DOCK10: variants seen among roughly 807,000 people sequenced by gnomAD.
DOCK10 encodes dedicator of cytokinesis 10.
A neutral mutation model predicts 280.1 loss-of-function variants in DOCK10; 145 were observed. The observed-to-expected ratio is 0.52, with a 90% confidence interval of 0.45 to 0.59. The LOEUF is 0.59. Ranked by LOEUF, DOCK10 falls within the 20% of genes least tolerant of loss-of-function variation. DOCK10 has a pLI of 0.00. For missense variants in DOCK10, 2,368 were observed against 2,651.7 expected (o/e 0.89, Z 2.35); for synonymous variants, 915 against 942.2 (o/e 0.97, Z 0.53).
chr2:224,900,319 T>C (rs1345877726), intron 3 of DOCK10, among the ~76,000 whole-genome samples: 2 of 152,048 alleles, frequency 1.3e-5, no homozygotes, highest in Non-Finnish European at 2.9e-5. Flanking sequence ...AAGCTATAAA[T>C]GTTTGTCAGA....
At chr2:225,018,770 C>T (rs1003517601) in intron 1 of DOCK10, among the ~76,000 whole-genome samples, 3 of 144,184 alleles carry the variant, frequency 2.1e-5, no homozygotes, top group Non-Finnish European at 3.0e-5. Context: ...TGTATATGTA[C>T]ATATATACAC....
chr2:224,785,165 A>C (rs1315978915), intron 50 of DOCK10, among the ~76,000 whole-genome samples: 1 of 152,130 alleles, frequency 6.6e-6, no homozygotes, highest in Non-Finnish European at 1.5e-5. Flanking sequence ...AAATGGCTCC[A>C]AAATGCCATT....
intron 3 of DOCK10, among the ~76,000 whole-genome samples, chr2:224,913,718 G>GTTTATTTATTTA (rs113890271): frequency 1.3e-3 from 192 of 150,450 alleles, no homozygotes; most frequent in African/African-American, 4.4e-3. Context: ...TTGTTTGTCT[G>GTTTATTTATTTA]TTTATTTATT....
intron 1 of DOCK10, among the ~76,000 whole-genome samples, chr2:224,933,676 A>T (rs1702522668): frequency 6.6e-6 from 1 of 152,200 alleles, no homozygotes; most frequent in Non-Finnish European, 1.5e-5. Context: ...CTTCAGCTTA[A>T]GTATATGATG....
At chr2:224,958,455 G>A (rs1404430631) in intron 1 of DOCK10, among the ~76,000 whole-genome samples, 1 of 152,136 alleles carries the variant, frequency 6.6e-6, no homozygotes, top group African/African-American at 2.4e-5. Context: ...AGGATAATTA[G>A]GTTAAACAGC....
At chr2:224,797,259 T>C in intron 42 of DOCK10, 113 bp from the exon 43 acceptor site, 1 of 802,796 alleles carries the variant, frequency 1.2e-6, no homozygotes, top group Non-Finnish European at 1.8e-6. Context: ...TTTTTTAACT[T>C]GGTCTATTTT....
At chr2:224,931,395 G>A (rs17271574) in intron 2 of DOCK10, among the ~76,000 whole-genome samples, 154 bp downstream of exon 2, 50,190 of 151,990 alleles carry the variant, frequency 0.33, 8,395 homozygotes, top group Middle Eastern at 0.36. Flanking sequence ...GGGCCCTGGG[G>A]TACTTTCTAT....
At chr2:224,794,468 G>A (rs1388172980) in intron 45 of DOCK10, among the ~76,000 whole-genome samples, 1 of 152,174 alleles carries the variant, frequency 6.6e-6, no homozygotes, top group African/African-American at 2.4e-5. Flanking sequence ...TGTAAATGAG[G>A]ACTGATTCCC....
At chr2:225,012,778 A>C (rs1354673386) in intron 1 of DOCK10, among the ~76,000 whole-genome samples, 1 of 152,202 alleles carries the variant, frequency 6.6e-6, no homozygotes, top group East Asian at 1.9e-4. Context: ...CTTTACAAAA[A>C]CTATAAAATA....
chr2:224,976,773 A>G (rs190858931), intron 1 of DOCK10, among the ~76,000 whole-genome samples: 1 of 151,864 alleles, frequency 6.6e-6, no homozygotes, highest in Non-Finnish European at 1.5e-5. Context: ...TGGTCAGAAT[A>G]CTTTAGGCTT....
chr2:224,976,758 G>A (rs1051136292), intron 1 of DOCK10, among the ~76,000 whole-genome samples: 1 of 151,468 alleles, frequency 6.6e-6, no homozygotes, highest in African/African-American at 2.4e-5. Context: ...AGCATTTTCT[G>A]TAAATGGTCA....
chr2:224,812,820 C>T (rs1292121658), intron 31 of DOCK10, among the ~76,000 whole-genome samples: 1 of 152,192 alleles, frequency 6.6e-6, no homozygotes, highest in Non-Finnish European at 1.5e-5. Flanking sequence ...ACCAGCCTTG[C>T]ATCCCAGGGA....
intron 31 of DOCK10, among the ~76,000 whole-genome samples, chr2:224,813,167 C>A (rs1475253788): frequency 6.6e-6 from 1 of 152,154 alleles, no homozygotes; most frequent in Non-Finnish European, 1.5e-5. Context: ...ATACATATAT[C>A]AAAACATGTT....
At chr2:224,928,371 T>G (rs866887682) in intron 2 of DOCK10, among the ~76,000 whole-genome samples, 1 of 152,238 alleles carries the variant, frequency 6.6e-6, no homozygotes, top group Non-Finnish European at 1.5e-5. Context: ...GGTCAAGGAA[T>G]GGTGTCCGTG....
At chr2:224,927,349 T>C (rs962896890) in intron 2 of DOCK10, among the ~76,000 whole-genome samples, 5 of 152,136 alleles carry the variant, frequency 3.3e-5, no homozygotes, top group Non-Finnish European at 5.9e-5. Context: ...CTGAGAAGTT[T>C]TAACCAGAGG....
chr2:224,984,341 C>T (rs925660174), intron 1 of DOCK10, among the ~76,000 whole-genome samples: 2 of 152,262 alleles, frequency 1.3e-5, no homozygotes, highest in Non-Finnish European at 2.9e-5. Flanking sequence ...CTCTCTAAAT[C>T]TGGCTGACCT....
At chr2:224,809,731 G>A (rs1279679623) in intron 31 of DOCK10, among the ~76,000 whole-genome samples, 1 of 151,974 alleles carries the variant, frequency 6.6e-6, no homozygotes, top group Non-Finnish European at 1.5e-5. Flanking sequence ...TAAAGAAAAG[G>A]GAATCCTTGT....
intron 1 of DOCK10, among the ~76,000 whole-genome samples, chr2:225,002,775 T>C (rs1706472522): frequency 6.6e-6 from 1 of 150,704 alleles, no homozygotes; most frequent in African/African-American, 2.5e-5. Flanking sequence ...CACTGCAGAA[T>C]TGGTATGAAC....
At chr2:224,831,618 A>G (rs928457059) in intron 26 of DOCK10, among the ~76,000 whole-genome samples, 1 of 152,256 alleles carries the variant, frequency 6.6e-6, no homozygotes, top group Non-Finnish European at 1.5e-5. Flanking sequence ...AAATAAATGC[A>G]GGCCCAATGA....
Sources: allele counts gnomAD v4.1 joint callset (sites outside exome capture counted in the v4.1 genomes callset), GRCh38; gene constraint gnomAD v4.1.1; transcripts MANE v1.5; gene names NCBI Gene and HGNC (gene_info 2026-07-23, HGNC 2026-07-21).